The following MED12L variants were observed in gnomAD, a reference collection of about 807,000 sequenced individuals.
The protein encoded by MED12L is mediator of RNA polymerase II transcription subunit 12-like protein.
MED12L carries 60 observed loss-of-function variants against 281.3 expected under a neutral mutation model. The ratio of observed to expected loss-of-function variants is 0.21; its 90% CI spans 0.17 to 0.26. MED12L has a LOEUF of 0.26. Ranked by LOEUF, MED12L falls within the 10% of genes least tolerant of loss-of-function variation. The pLI is 1.00. For missense variants in MED12L, 2,146 were observed against 2,680.9 expected (o/e 0.80, Z 4.41); for synonymous variants, 974 against 987.2 (o/e 0.99, Z 0.25).
intron 16 of MED12L, among the ~76,000 whole-genome samples, chr3:151,215,523 A>G (rs966057449): frequency 6.6e-6 from 1 of 152,178 alleles, no homozygotes; most frequent in African/African-American, 2.4e-5. Flanking sequence ...TATGTGTTTC[A>G]CATTATGGTT....
chr3:151,319,054 C>T (rs1748661097), intron 16 of MED12L, among the ~76,000 whole-genome samples: 1 of 152,020 alleles, frequency 6.6e-6, no homozygotes, highest in African/African-American at 2.4e-5. Context: ...AGTATAGTAA[C>T]AAAAAAGTTA....
chr3:151,293,849 T>A (rs1744671616), intron 16 of MED12L, among the ~76,000 whole-genome samples: 1 of 152,182 alleles, frequency 6.6e-6, no homozygotes, highest in Non-Finnish European at 1.5e-5. Context: ...TTTCTATACT[T>A]TTTGTTCTCT....
chr3:151,264,471 A>G (rs1739462797), intron 16 of MED12L, among the ~76,000 whole-genome samples: 1 of 152,262 alleles, frequency 6.6e-6, no homozygotes, highest in Non-Finnish European at 1.5e-5. Context: ...CAGAAATTCA[A>G]ACCTGAGCTT....
intron 16 of MED12L, chr3:151,270,240 T>TGTGTGG (rs1315723117): frequency 5.7e-5 from 9 of 158,080 alleles, no homozygotes; most frequent in African/African-American, 2.2e-4. Flanking sequence ...TGTGTGTGTG[T>TGTGTGG]GTTTTCTTTT....
chr3:151,242,168 A>T (rs2149386832), intron 16 of MED12L, among the ~76,000 whole-genome samples: 1 of 152,314 alleles, frequency 6.6e-6, no homozygotes, highest in Non-Finnish European at 1.5e-5. Flanking sequence ...GTCTGAGATC[A>T]AACTGCAAGG....
chr3:151,350,726 A>G (rs1199197295), intron 17 of MED12L, among the ~76,000 whole-genome samples: 5 of 152,120 alleles, frequency 3.3e-5, no homozygotes, highest in South Asian at 2.1e-4. Context: ...ATGGCTACCT[A>G]TATCTCCAAA....
At chr3:151,347,298 C>T (rs1752660992) in intron 16 of MED12L, among the ~76,000 whole-genome samples, 3 of 152,126 alleles carry the variant, frequency 2.0e-5, no homozygotes, top group Admixed American at 2.0e-4. Flanking sequence ...CATTAGTCTG[C>T]TTATTTTGTA....
chr3:151,285,353 C>T (rs1325658601), intron 16 of MED12L, among the ~76,000 whole-genome samples: 4 of 151,932 alleles, frequency 2.6e-5, no homozygotes, highest in African/African-American at 4.8e-5. Flanking sequence ...GGTGTGGTGG[C>T]GGGTGCCTGT....
In MED12L at chr3:151,199,245, A is replaced by T. The variant is rs773712549; in HGVS notation, c.2250+5579A>T. On this transcript the variant is annotated intron_variant, in intron 16 of 44. Transcript: ENST00000687756. ...AAATTAATTAAGTAGATGCTCACAC[A>T]CCTGTGATTCGTATTCTTCTGTATA... 1.9e-6 allele frequency: 3 copies of T among 1,614,028 alleles called. No homozygotes were observed. In the South Asian group the frequency reaches 3.3e-5, roughly 18 times the overall value.
chr3:151,389,126 C>T (rs913055195), intron 37 of MED12L, among the ~76,000 whole-genome samples: 2 of 152,202 alleles, frequency 1.3e-5, no homozygotes, highest in African/African-American at 2.4e-5. Flanking sequence ...ATTCAGTCTT[C>T]CTACCAGTAT....
intron 3 of MED12L, among the ~76,000 whole-genome samples, chr3:151,120,782 G>C (rs778975285): frequency 6.6e-6 from 1 of 152,186 alleles, no homozygotes; most frequent in Non-Finnish European, 1.5e-5. Flanking sequence ...ATTGATTTCT[G>C]AATAATATAT....
At chr3:151,271,370 G>A (rs1338355861) in intron 16 of MED12L, among the ~76,000 whole-genome samples, 1 of 152,176 alleles carries the variant, frequency 6.6e-6, no homozygotes, top group East Asian at 1.9e-4. Flanking sequence ...AATTGACGAG[G>A]AAATAGAATA....
At chr3:151,227,233 A>G (rs1012261574) in intron 16 of MED12L, among the ~76,000 whole-genome samples, 1 of 152,224 alleles carries the variant, frequency 6.6e-6, no homozygotes, top group Non-Finnish European at 1.5e-5. Context: ...AGAAATATCT[A>G]AATATTCTTC....
chr3:151,193,714 G>A (rs1724273039), intron 16 of MED12L, 48 bp downstream of exon 16: 1 of 1,461,290 alleles, frequency 6.8e-7, no homozygotes, highest in Non-Finnish European at 9.5e-7. Flanking sequence ...TTTATTATAA[G>A]ATCAATAACT....
chr3:151,182,574 G>T (rs182824475), intron 11 of MED12L, among the ~76,000 whole-genome samples: 11 of 152,228 alleles, frequency 7.2e-5, no homozygotes, highest in African/African-American at 2.2e-4. Context: ...GGTAAGGAAC[G>T]CACTGGAGGG....
chr3:151,396,170 A>G (rs958614257), intron 39 of MED12L, among the ~76,000 whole-genome samples: 1 of 151,914 alleles, frequency 6.6e-6, no homozygotes, highest in Non-Finnish European at 1.5e-5. Context: ...CTAAATAAGC[A>G]ACATGTTTAG....
chr3:151,086,144 C>T (rs1472656747), intron 1 of MED12L, among the ~76,000 whole-genome samples: 1 of 152,170 alleles, frequency 6.6e-6, no homozygotes, highest in Non-Finnish European at 1.5e-5. Flanking sequence ...CTCCAGCCGC[C>T]GCGACCGCCA....
rs879358799 is a variant in MED12L, at chr3:151,246,351, C to A, written c.2250+52685C>A. Among the ~76,000 whole-genome samples, 280 of 152,004 alleles carry A rather than the reference C, an allele frequency of 1.8e-3. 2 individuals carry two copies. Among genetic ancestry groups the A allele is most frequent in the Non-Finnish European group, 2.9e-3 (199 of 67,952 alleles). ...CAAAAGAACAAAGCTGGAGGCATCACGCTACCTGACTTCAAACTATACTAC... is the reference window on the plus strand; with the variant it reads ...CAAAAGAACAAAGCTGGAGGCATCAAGCTACCTGACTTCAAACTATACTAC... On this transcript the variant is annotated intron_variant, in intron 16 of 44. Coordinates refer to ENST00000687756, the MANE Select transcript of MED12L (RefSeq NM_001393769.1).
intron 16 of MED12L, among the ~76,000 whole-genome samples, chr3:151,319,464 T>C (rs552099630): frequency 1.0e-5 from 1 of 95,934 alleles, no homozygotes; most frequent in African/African-American, 4.4e-5. Flanking sequence ...TGTGTGTGTG[T>C]GTGCGTGTGT....
Sources: gnomAD v4.1 joint callset for allele counts (sites outside exome capture counted in the v4.1 genomes callset) on GRCh38, gnomAD v4.1.1 for gene constraint, MANE v1.5 for transcripts, NCBI Gene and HGNC (gene_info 2026-07-23, HGNC 2026-07-21) for gene names.